Variants in GTF2H1 observed in about 807,000 individuals in gnomAD.
GTF2H1 encodes the protein BTF2 p62.
A neutral mutation model predicts 71.2 loss-of-function variants in GTF2H1; 16 were observed. The ratio of observed to expected loss-of-function variants is 0.22; its 90% CI spans 0.15 to 0.34. The LOEUF is 0.34. GTF2H1 is among the 10% of genes least tolerant of loss of function. The pLI, the probability that GTF2H1 is intolerant of heterozygous loss-of-function variation, is 1.00. For missense variants in GTF2H1, 498 were observed against 648.2 expected, an observed-to-expected ratio of 0.77 and a Z score of 2.52; for synonymous variants, 215 against 219.0, an observed-to-expected ratio of 0.98 and a Z score of 0.16.
At chr11:18,355,763 C>T (rs1655488993) in intron 11 of GTF2H1, among the ~76,000 whole-genome samples, 1 of 152,152 alleles carries the variant, frequency 6.6e-6, no homozygotes, top group Non-Finnish European at 1.5e-5. Flanking sequence ...GATCCACCTG[C>T]CTCAGCCTCC....
At chr11:18,352,218 T>C (rs555783211) in intron 10 of GTF2H1, 111 bp from the exon 11 acceptor site, 38 of 655,830 alleles carry the variant, frequency 5.8e-5, no homozygotes, top group African/African-American at 1.3e-4. Context: ...TCTTTACTTA[T>C]CGTTTCTTGC....
At chr11:18,358,076 C>G (rs1434016645) in intron 12 of GTF2H1, 34 bp downstream of exon 12, 2 of 1,482,228 alleles carry the variant, frequency 1.3e-6, no homozygotes, top group South Asian at 2.3e-5. Flanking sequence ...TACTTTCTGC[C>G]TAAATCAGCT....
chr11:18,333,824 C>G (rs1864958846), intron 2 of GTF2H1, among the ~76,000 whole-genome samples: 1 of 152,176 alleles, frequency 6.6e-6, no homozygotes, highest in Non-Finnish European at 1.5e-5. Flanking sequence ...TAGATGATGC[C>G]AGATTTTCCT....
chr11:18,336,002 A>G (rs549527730), intron 3 of GTF2H1, 56 bp downstream of exon 3: 4 of 1,327,278 alleles, frequency 3.0e-6, no homozygotes, highest in Non-Finnish European at 4.2e-6. Flanking sequence ...ATAGTCTCCT[A>G]GTATGCTAAT....
chr11:18,344,321 G>A (rs4150628), intron 7 of GTF2H1, among the ~76,000 whole-genome samples: 69,980 of 151,818 alleles, frequency 0.46, 18,533 homozygotes, highest in East Asian at 0.85. Flanking sequence ...TCCCCTAGCA[G>A]TAATAATTAT....
chr11:18,357,999 T>A lies in GTF2H1; in HGVS notation c.1308T>A (p.Pro436=), dbSNP rs975367465. The A allele has an allele frequency of 6.2e-7, 1 of 1,613,162 alleles. No homozygotes were observed. Among genetic ancestry groups the A allele is most frequent in the Non-Finnish European group, 8.5e-7 (1 of 1,179,372 alleles). Residue 436 remains proline (P), a synonymous_variant, in exon 12 of 15, where the codon CCT becomes CCA. Coordinates refer to ENST00000265963, the MANE Select transcript of GTF2H1 (RefSeq NM_005316.4). ...GTAGTACCATCACAGCACTGTCACCTGGAGGGGCACTTATGCAGGGAGGAA... is the reference window on the plus strand; with the variant it reads ...GTAGTACCATCACAGCACTGTCACCAGGAGGGGCACTTATGCAGGGAGGAA... ...AASSTITALS[P]GGALMQGGTQ...
Position 18,322,584 on chromosome 11 carries a change from C to G in GTF2H1, c.-172C>G, listed in dbSNP as rs1162456566. 6.6e-6 allele frequency: 1 copy of G among 152,260 alleles called. No homozygotes were observed. The highest frequency in any genetic ancestry group is 6.5e-5 in the Admixed American group (1 of 15,282). 9.4% of individuals were successfully genotyped at this position (152,260 alleles called of 1,614,324 possible). On this transcript the variant is annotated 5_prime_UTR_variant, in exon 1 of 15. Coordinates refer to ENST00000265963, the MANE Select transcript of GTF2H1 (RefSeq NM_005316.4). ...GTGCCCTCAGACTCCTCGCAGCCAG[C>G]GATGGAGGCGAGACCCCCTAGTAAC... is the stretch of plus-strand genomic sequence containing the variant.
intron 3 of GTF2H1, among the ~76,000 whole-genome samples, chr11:18,336,900 A>T (rs967072163): frequency 2.6e-5 from 4 of 151,944 alleles, no homozygotes; most frequent in Admixed American, 1.3e-4. Flanking sequence ...TATCACAGGC[A>T]CACGCCACCA....
In GTF2H1 at chr11:18,335,757, A is replaced by G; in HGVS notation, c.158A>G (p.Gln53Arg). The G allele has an allele frequency of 1.2e-6, 2 of 1,612,850 alleles. No homozygotes were observed. Among genetic ancestry groups the G allele is most frequent in the Non-Finnish European group, 1.7e-6 (2 of 1,179,170 alleles). Residue 53 changes from glutamine to arginine, a missense_variant, in exon 3 of 15, where the codon CAG becomes CGG. Gln to Arg is a conservative substitution (Grantham distance 43, BLOSUM62 1). Transcript: ENST00000265963. ...ISHMYADIKC[Q>R]KISPEGKAKI... ...CTGCCCTCATGCTTCTTTTTAGGCC[A>G]GAAAATTAGTCCAGAAGGAAAAGCT... is the stretch of plus-strand genomic sequence containing the variant.
chr11:18,366,581 G>C lies in GTF2H1; in HGVS notation c.*712G>C, dbSNP rs4596. On this transcript the variant is annotated 3_prime_UTR_variant, in exon 15 of 15. Transcript: ENST00000265963. ...TTGGAGTCCCTGAATAATAAAGAGG[G>C]AATATATTTGCAGAAAGTCGCATAG... 63,625 of 152,472 alleles carry C rather than the reference G, an allele frequency of 0.42. 15,557 individuals carry two copies. The highest frequency in any genetic ancestry group is 0.59 in the East Asian group (3,034 of 5,174). The allele number at this position is 152,472 out of a possible 1,614,324, so 9.4% of individuals were successfully genotyped here.
At position 18,366,116 on chromosome 11, in the gene GTF2H1, T is replaced by TAC. The variant is rs753746601; in HGVS notation, c.*259_*260dup. The TAC allele has an allele frequency of 9.5e-4, 470 of 493,900 alleles. 2 individuals carry two copies. Among genetic ancestry groups the TAC allele is most frequent in the African/African-American group, 4.0e-3 (208 of 51,934 alleles). The allele number at this position is 493,900 out of a possible 1,614,324, so 30.6% of individuals were successfully genotyped here. On this transcript the variant is annotated 3_prime_UTR_variant, in exon 15 of 15. Coordinates refer to ENST00000265963, the MANE Select transcript of GTF2H1 (RefSeq NM_005316.4). ...GAGCTAAGTTGCAAATATATATATATACACACACACACATATATGTACATG... is the reference window on the plus strand; with the variant it reads ...GAGCTAAGTTGCAAATATATATATATACACACACACACACATATATGTACATG...
intron 7 of GTF2H1, among the ~76,000 whole-genome samples, chr11:18,345,398 T>C (rs1288546257): frequency 6.6e-6 from 1 of 152,134 alleles, no homozygotes; most frequent in Non-Finnish European, 1.5e-5. Flanking sequence ...GTAATCTTCA[T>C]GAAGCTGACT....
chr11:18,361,443 G>T (rs1478005295), intron 14 of GTF2H1, among the ~76,000 whole-genome samples: 1 of 152,116 alleles, frequency 6.6e-6, no homozygotes, highest in African/African-American at 2.4e-5. Flanking sequence ...AAGGCAGGCT[G>T]ATCACTTGAG....
chr11:18,351,285 A>ATTT (rs56307193), intron 9 of GTF2H1, among the ~76,000 whole-genome samples: 76 of 140,466 alleles, frequency 5.4e-4, no homozygotes, highest in African/African-American at 1.6e-3. Flanking sequence ...AAGAGGCGGA[A>ATTT]TTTTTTTTTT....
Position 18,357,937 on chromosome 11 carries a change from C to G in GTF2H1, c.1261-15C>G. The G allele has an allele frequency of 6.5e-7, 1 of 1,529,562 alleles. No individual in the cohort carries two copies. Among genetic ancestry groups the G allele is most frequent in the Non-Finnish European group, 9.1e-7 (1 of 1,103,922 alleles). The allele number at this position is 1,529,562 out of a possible 1,614,324, so 94.7% of individuals were successfully genotyped here. ...GGGAGGAAAACCAGTTTTAATGCAT[C>G]TTCATTTTTTTCAGGTTCTCTCAAG... On this transcript the variant is annotated splice_polypyrimidine_tract_variant and intron_variant, in intron 11 of 14. Transcript: ENST00000265963.
chr11:18,347,635 A>C lies in GTF2H1; in HGVS notation c.885A>C (p.Ile295=). 1 of 1,610,958 alleles carries C rather than the reference A, an allele frequency of 6.2e-7. No homozygotes were observed. The highest frequency in any genetic ancestry group is 8.5e-7 in the Non-Finnish European group (1 of 1,177,094). The change falls in exon 8 of 15, where the codon ATA becomes ATC. Residue 295 remains isoleucine (I), a synonymous_variant. Coordinates refer to ENST00000265963, the MANE Select transcript of GTF2H1 (RefSeq NM_005316.4). ...SVPSASNSKS[I]KENSNAAIIK... is the part of the protein sequence containing the mutation. ...CATCTGCTTCCAATTCTAAATCCAT[A>C]AAAGAGAATAGTAATGCTGCCATCA...
chr11:18,339,747 T>TC (rs1865112060), intron 5 of GTF2H1, 90 bp downstream of exon 5: 2 of 742,398 alleles, frequency 2.7e-6, no homozygotes, highest in East Asian at 5.3e-5. Flanking sequence ...AGATTCCTGA[T>TC]CAAGTGCAAT....
At chr11:18,338,323 A>T (rs143791350) in intron 4 of GTF2H1, 49 bp downstream of exon 4, 2 of 1,216,150 alleles carry the variant, frequency 1.6e-6, no homozygotes, top group Non-Finnish European at 2.4e-6. Context: ...TCAAACCCCA[A>T]TATGTGTCTT....
chr11:18,366,001 C>A lies in GTF2H1; in HGVS notation c.*132C>A. On this transcript the variant is annotated 3_prime_UTR_variant, in exon 15 of 15. Coordinates refer to ENST00000265963, the MANE Select transcript of GTF2H1 (RefSeq NM_005316.4). ...AGAAACATCTGCTCCACGCCAACTC[C>A]CAGAGCTGATGCTATTGTACTTGCA... 1.5e-6 allele frequency: 1 copy of A among 647,670 alleles called. No individual in the cohort carries two copies. The highest frequency in any genetic ancestry group is 2.8e-6 in the Non-Finnish European group (1 of 361,384). 40.1% of individuals were successfully genotyped at this position (647,670 alleles called of 1,614,324 possible).
Sources: gnomAD v4.1 joint callset for allele counts (sites outside exome capture counted in the v4.1 genomes callset) on GRCh38, gnomAD v4.1.1 for gene constraint, MANE v1.5 for transcripts, NCBI Gene and HGNC (gene_info 2026-07-23, HGNC 2026-07-21) for gene names.